The following ACSL1 variants were observed in gnomAD, a reference collection of about 807,000 sequenced individuals.
The protein encoded by ACSL1 is acyl-CoA synthetase long chain family member 1.
ACSL1 carries 41 observed loss-of-function variants against 98.4 expected under a neutral mutation model. The observed-to-expected ratio is 0.42, with a 90% confidence interval of 0.32 to 0.54. ACSL1 has a LOEUF of 0.54. Among genes scored for constraint, ACSL1 ranks in the 20% least tolerant of loss-of-function variants. The pLI is 0.13. For synonymous variants in ACSL1, 316 were observed against 322.7 expected, an observed-to-expected ratio of 0.98 and a Z score of 0.22; for missense variants, 734 against 883.1, an observed-to-expected ratio of 0.83 and a Z score of 2.14.
chr4:184,759,750 T>A (rs1418080332), intron 18 of ACSL1, among the ~76,000 whole-genome samples: 1 of 152,138 alleles, frequency 6.6e-6, no homozygotes, highest in Admixed American at 6.5e-5. Flanking sequence ...TGTAAACTAG[T>A]TCAACCATTG....
intron 3 of ACSL1, among the ~76,000 whole-genome samples, chr4:184,785,332 T>G (rs1273483299): frequency 6.6e-6 from 1 of 152,196 alleles, no homozygotes; most frequent in East Asian, 1.9e-4. Flanking sequence ...GGATGGGGCC[T>G]GGGCCTCAGT....
chr4:184,780,467 T>C (rs763249046), intron 4 of ACSL1, 34 bp from the exon 5 acceptor site: 5 of 1,536,718 alleles, frequency 3.3e-6, no homozygotes, highest in South Asian at 2.2e-5. Flanking sequence ...GAAGCAGCAT[T>C]GGGCCCCAAC....
chr4:184,824,835 AAAAG>A (rs144374394), intron 1 of ACSL1, among the ~76,000 whole-genome samples: 1,721 of 152,316 alleles, frequency 0.011, 42 homozygotes, highest in African/African-American at 0.039. Flanking sequence ...AAAAAGAAAA[AAAAG>A]AAAGAAACAA....
At chr4:184,801,653 G>T (rs1350300932) in intron 2 of ACSL1, among the ~76,000 whole-genome samples, 1 of 152,190 alleles carries the variant, frequency 6.6e-6, no homozygotes, top group Non-Finnish European at 1.5e-5. Context: ...AGCAAGCTCA[G>T]TATCTATTTC....
chr4:184,769,329 C>T (rs990830575), intron 11 of ACSL1, among the ~76,000 whole-genome samples: 2 of 151,938 alleles, frequency 1.3e-5, no homozygotes, highest in African/African-American at 4.8e-5. Flanking sequence ...ACCATGCTGG[C>T]AAGCCATATG....
intron 5 of ACSL1, among the ~76,000 whole-genome samples, chr4:184,778,548 C>G (rs1765683562): frequency 6.6e-6 from 1 of 152,148 alleles, no homozygotes; most frequent in Non-Finnish European, 1.5e-5. Flanking sequence ...CTCCAGGGAG[C>G]CCTCCTTGAC....
intron 15 of ACSL1, among the ~76,000 whole-genome samples, chr4:184,763,478 G>A (rs1372365097): frequency 6.6e-6 from 1 of 152,200 alleles, no homozygotes; most frequent in African/African-American, 2.4e-5. Flanking sequence ...CAAGTGTGAT[G>A]CTCTGAGTTA....
intron 1 of ACSL1, chr4:184,821,007 C>A (rs188674130): frequency 4.4e-6 from 2 of 456,252 alleles, no homozygotes; most frequent in East Asian, 1.4e-4. Flanking sequence ...GTATGGGGAA[C>A]TTAATCTTTG....
chr4:184,784,058 T>C (rs1176284112), intron 3 of ACSL1, 67 bp from the exon 4 acceptor site: 2 of 1,314,594 alleles, frequency 1.5e-6, no homozygotes, highest in African/African-American at 1.5e-5. Flanking sequence ...TTAATTTGTA[T>C]CCCAACCGCA....
chr4:184,791,661 C>T (rs1449411759), intron 2 of ACSL1, among the ~76,000 whole-genome samples: 3 of 152,018 alleles, frequency 2.0e-5, no homozygotes, highest in South Asian at 2.1e-4. Context: ...CTACAAGAAG[C>T]GTAAGCAGTG....
intron 7 of ACSL1, among the ~76,000 whole-genome samples, chr4:184,774,419 G>A (rs532704599): frequency 1.3e-5 from 2 of 152,194 alleles, no homozygotes; most frequent in African/African-American, 4.8e-5. Flanking sequence ...ATCTCCCCTC[G>A]TAGAGTGGAG....
rs925377988 is a variant in ACSL1, at chr4:184,756,810, CAG to C, written c.*313_*314del. The C allele has an allele frequency of 4.7e-6, 1 of 212,876 alleles. No individual in the cohort carries two copies. Among genetic ancestry groups the C allele is most frequent in the Non-Finnish European group, 9.5e-6 (1 of 105,708 alleles). 13.2% of individuals were successfully genotyped at this position (212,876 alleles called of 1,614,324 possible). On this transcript the variant is annotated 3_prime_UTR_variant, in exon 21 of 21. Coordinates refer to ENST00000281455, the MANE Select transcript of ACSL1 (RefSeq NM_001995.5). Reference sequence around the variant, plus strand: ...CCCCTTGATTAGAGAAACAGGGAGACAGAAGATTTAAAACCCACTTTTTAAAC... The same window carrying C: ...CCCCTTGATTAGAGAAACAGGGAGACAAGATTTAAAACCCACTTTTTAAAC...
intron 2 of ACSL1, among the ~76,000 whole-genome samples, chr4:184,795,295 G>T (rs959138982): frequency 6.6e-6 from 1 of 152,162 alleles, no homozygotes; most frequent in Non-Finnish European, 1.5e-5. Flanking sequence ...GTTCCATCTG[G>T]CTATTTTTAA....
In ACSL1 at chr4:184,757,971, A is replaced by C; in HGVS notation, c.1783-51T>G. On this transcript the variant is annotated intron_variant, in intron 18 of 20. Transcript: ENST00000281455. This position sits in a 1 kb window ranked among gnomAD's most constrained non-coding sequence, Gnocchi z 4.5. The stretch of plus-strand genomic sequence containing the variant: ...ACATAGCTTGATCCAAATGCTCTAA[A>C]ATAGTGGTTCTTTATTTTTCCATCT... 6.5e-7 allele frequency: 1 copy of C among 1,546,264 alleles called. No individual in the cohort carries two copies. The highest frequency in any genetic ancestry group is 8.9e-7 in the Non-Finnish European group (1 of 1,121,446).
intron 1 of ACSL1, among the ~76,000 whole-genome samples, chr4:184,822,584 C>T (rs6858762): frequency 0.47 from 71,409 of 151,690 alleles, 18,052 homozygotes; most frequent in African/African-American, 0.67. Context: ...GAAAAAAATA[C>T]AAAAATTAGC....
At chr4:184,811,588 GTAC>G (rs1487845600) in intron 1 of ACSL1, among the ~76,000 whole-genome samples, 2 of 152,078 alleles carry the variant, frequency 1.3e-5, no homozygotes, top group Admixed American at 1.3e-4. Context: ...CTTCTAGGAG[GTAC>G]CTAGAATCAG....
chr4:184,776,422 C>G, intron 7 of ACSL1, 62 bp downstream of exon 7: 2 of 1,556,180 alleles, frequency 1.3e-6, no homozygotes, highest in Admixed American at 1.9e-5. Context: ...CTGGATAGCA[C>G]GTGTGAGCCA....
intron 15 of ACSL1, among the ~76,000 whole-genome samples, chr4:184,764,652 G>A (rs1012061428): frequency 6.6e-6 from 1 of 152,094 alleles, no homozygotes; most frequent in African/African-American, 2.4e-5. Flanking sequence ...GATCCCCAGC[G>A]CCACCCCTCA....
At chr4:184,787,265 G>A (rs151115042) in intron 3 of ACSL1, among the ~76,000 whole-genome samples, 1,656 of 152,290 alleles carry the variant, frequency 0.011, 37 homozygotes, top group African/African-American at 0.038. Flanking sequence ...TTAGTGGGGC[G>A]CTCACTGTGT....
Sources: allele counts gnomAD v4.1 joint callset (sites outside exome capture counted in the v4.1 genomes callset), GRCh38; gene constraint gnomAD v4.1.1; non-coding constraint Gnocchi (gnomAD v3.1); transcripts MANE v1.5; gene names NCBI Gene and HGNC (gene_info 2026-07-23, HGNC 2026-07-21).